The following KLRD1 variants were observed in gnomAD, a reference collection of about 807,000 sequenced individuals.
KLRD1 encodes killer cell lectin like receptor D1.
In KLRD1, 21 loss-of-function variants were observed where a neutral mutation model predicts 22.6. The observed-to-expected ratio is 0.93, with a 90% CI of 0.66 to 1.34. The LOEUF (loss-of-function observed/expected upper bound fraction) is 1.34. Ranked by LOEUF, KLRD1 falls within the 40% of genes most tolerant of loss-of-function variation. The pLI, the probability that KLRD1 is intolerant of heterozygous loss-of-function variation, is 0.00. For missense variants in KLRD1, 183 were observed against 208.6 expected (o/e 0.88, Z 0.76); for synonymous variants, 59 against 71.1 (o/e 0.83, Z 0.85).
chr12:10,254,230 C>T (rs1949371224), intron 1 of KLRD1, among the ~76,000 whole-genome samples: 1 of 151,200 alleles, frequency 6.6e-6, no homozygotes. Flanking sequence ...AGCTCGAGAC[C>T]ATTCTGGGTA....
intron 1 of KLRD1, among the ~76,000 whole-genome samples, chr12:10,297,891 A>G (rs1481609344): frequency 6.6e-6 from 1 of 152,136 alleles, no homozygotes; most frequent in Non-Finnish European, 1.5e-5. Context: ...CTGGTCACTT[A>G]GCACTTTTTA....
chr12:10,272,425 A>C (rs919105763), intron 1 of KLRD1, among the ~76,000 whole-genome samples: 1 of 152,234 alleles, frequency 6.6e-6, no homozygotes, highest in Non-Finnish European at 1.5e-5. Context: ...TAAAGACAAA[A>C]GATTTTCAAA....
intron 1 of KLRD1, among the ~76,000 whole-genome samples, chr12:10,277,435 T>C (rs1467973911): frequency 6.6e-6 from 1 of 152,134 alleles, no homozygotes; most frequent in Admixed American, 6.5e-5. Context: ...TGGTTTTGGA[T>C]AGGTGGTGGT....
At chr12:10,242,587 C>G (rs1381207354) in intron 1 of KLRD1, among the ~76,000 whole-genome samples, 1 of 152,108 alleles carries the variant, frequency 6.6e-6, no homozygotes, top group Non-Finnish European at 1.5e-5. Context: ...TATAGTAATT[C>G]TATTTCTAGT....
At chr12:10,259,715 C>T (rs1949430574) in intron 1 of KLRD1, among the ~76,000 whole-genome samples, 2 of 152,186 alleles carry the variant, frequency 1.3e-5, no homozygotes, top group Non-Finnish European at 2.9e-5. Context: ...CCTGTAATCC[C>T]AGCACTTTGG....
At position 10,314,864 on chromosome 12, in the gene KLRD1, T is replaced by A; in HGVS notation, c.*71T>A. 2 of 1,360,826 alleles carry A rather than the reference T, an allele frequency of 1.5e-6. No individual in the cohort carries two copies. Among genetic ancestry groups the A allele is most frequent in the Non-Finnish European group, 2.0e-6 (2 of 993,382 alleles). The allele number at this position is 1,360,826 out of a possible 1,614,324, so 84.3% of individuals were successfully genotyped here. On this transcript the variant is annotated 3_prime_UTR_variant, in exon 6 of 6. Transcript: ENST00000336164. The stretch of plus-strand genomic sequence containing the variant: ...CTAACAATGATACAGTTGCATGTTA[T>A]ATTATTACTAATTGTCTACTTCTGG...
At chr12:10,311,746 G>C in intron 4 of KLRD1, 131 bp downstream of exon 4, 2 of 725,022 alleles carry the variant, frequency 2.8e-6, no homozygotes, top group South Asian at 2.2e-5. Context: ...TGAGTTATCT[G>C]TTCTGTGTAC....
intron 1 of KLRD1, among the ~76,000 whole-genome samples, chr12:10,277,492 A>C (rs1316112279): frequency 6.6e-6 from 1 of 152,172 alleles, no homozygotes; most frequent in Non-Finnish European, 1.5e-5. Flanking sequence ...ATGGTGGAAA[A>C]GAATGAAGGA....
At chr12:10,240,920 T>C (rs2137608192) in intron 1 of KLRD1, among the ~76,000 whole-genome samples, 1 of 152,326 alleles carries the variant, frequency 6.6e-6, no homozygotes, top group South Asian at 2.1e-4. Context: ...CAGTCTTGAT[T>C]TGCTGATTGC....
At chr12:10,290,700 G>T (rs1488238224) in intron 1 of KLRD1, among the ~76,000 whole-genome samples, 1 of 152,124 alleles carries the variant, frequency 6.6e-6, no homozygotes, top group South Asian at 2.1e-4. Flanking sequence ...AAAAGTTTCA[G>T]TATTTATCTT....
At chr12:10,258,540 A>G (rs370291917) in intron 1 of KLRD1, among the ~76,000 whole-genome samples, 17 of 152,208 alleles carry the variant, frequency 1.1e-4, no homozygotes, top group African/African-American at 4.1e-4. Flanking sequence ...TCTGTGGACT[A>G]CAAAGTCCTG....
chr12:10,281,040 G>A (rs575241321), intron 1 of KLRD1, among the ~76,000 whole-genome samples: 85 of 152,132 alleles, frequency 5.6e-4, no homozygotes, highest in Non-Finnish European at 1.1e-3. Context: ...CTTATAGGGC[G>A]AGAGATACTT....
rs1393192324 is a variant in KLRD1 at position 10,313,442 on chromosome 12, G to T, written c.348G>T (p.Trp116Cys). ...TGAGCTCCAGTCAACAATTTTACTG[G>T]ATTGGACTCTCTTACAGTGAGGAGC... The part of the protein sequence containing the change: ...DFMSSSQQFY[W>C]IGLSYSEEHT... The change falls in exon 5 of 6, where the codon TGG becomes TGT. Residue 116 changes from tryptophan to cysteine, a missense_variant. Physicochemically the swap from Trp to Cys is radical, Grantham distance 215. Transcript: ENST00000336164. 1.2e-6 allele frequency: 2 copies of T among 1,607,200 alleles called. No homozygotes were observed. Among genetic ancestry groups the T allele is most frequent in the South Asian group, 2.2e-5 (2 of 89,982 alleles).
At chr12:10,280,987 C>G (rs1949635791) in intron 1 of KLRD1, among the ~76,000 whole-genome samples, 1 of 152,088 alleles carries the variant, frequency 6.6e-6, no homozygotes, top group African/African-American at 2.4e-5. Context: ...ATAATGGCTC[C>G]AAGTATATCC....
intron 1 of KLRD1, among the ~76,000 whole-genome samples, chr12:10,283,951 G>A (rs560847052): frequency 2.2e-4 from 34 of 151,492 alleles, no homozygotes; most frequent in Admixed American, 1.8e-3. Context: ...CGAGGTGGGC[G>A]GATCACCTGA....
At position 10,254,815 on chromosome 12, in the gene KLRD1, C is replaced by T. The variant is rs538093389; in HGVS notation, c.-101+28582C>T. 2.7e-4 allele frequency among the ~76,000 whole-genome samples: 36 copies of T among 132,470 alleles called. 2 individuals are homozygous for T. Among genetic ancestry groups the T allele is most frequent in the Admixed American group, 2.0e-3 (28 of 13,858 alleles). 86.9% of individuals were successfully genotyped at this position (132,470 alleles called of 152,430 possible). A position where few individuals can be genotyped will look rare whatever the true frequency, so the allele number is the denominator to read the frequency against. The stretch of plus-strand genomic sequence containing the variant: ...GGCTGAGGCAGGAGAATCACTTGAA[C>T]CCAGGAGGCGGAGATTGCAGTGAGC... On this transcript the variant is annotated intron_variant, in intron 1 of 5. Transcript: ENST00000544747.
intron 1 of KLRD1, among the ~76,000 whole-genome samples, chr12:10,287,017 T>G (rs1949712788): frequency 6.6e-6 from 1 of 152,056 alleles, no homozygotes; most frequent in Non-Finnish European, 1.5e-5. Flanking sequence ...GCGCCTGTAG[T>G]CCCAGCTACT....
At chr12:10,311,038 A>T (rs1950055299) in intron 3 of KLRD1, among the ~76,000 whole-genome samples, 1 of 152,242 alleles carries the variant, frequency 6.6e-6, no homozygotes, top group African/African-American at 2.4e-5. Flanking sequence ...CTCAGAAAGT[A>T]TGCTAAAATG....
chr12:10,291,111 A>G (rs1949766278), intron 1 of KLRD1, among the ~76,000 whole-genome samples: 1 of 152,220 alleles, frequency 6.6e-6, no homozygotes, highest in Non-Finnish European at 1.5e-5. Flanking sequence ...GTTCAAAATT[A>G]TTATATCTAA....
Sources: allele counts gnomAD v4.1 joint callset (sites outside exome capture counted in the v4.1 genomes callset), GRCh38; gene constraint gnomAD v4.1.1; transcripts MANE v1.5; gene names NCBI Gene and HGNC (gene_info 2026-07-23, HGNC 2026-07-21).